The following NFU1 variants were observed in gnomAD, a reference collection of about 807,000 sequenced individuals.
The protein encoded by NFU1 is NFU1 iron-sulfur cluster scaffold homolog, mitochondrial.
Under a neutral mutation model 32.2 loss-of-function variants are expected in NFU1, and 30 were observed. The observed-to-expected ratio is 0.93, with a 90% CI of 0.70 to 1.26. The LOEUF (loss-of-function observed/expected upper bound fraction) is 1.26. Ranked by LOEUF, NFU1 falls within the 50% of genes most tolerant of loss-of-function variation. The pLI is 0.00. For synonymous variants in NFU1, 112 were observed against 104.6 expected, an observed-to-expected ratio of 1.07 and a Z score of -0.43; for missense variants, 306 against 306.6, an observed-to-expected ratio of 1.00 and a Z score of 0.02.
At chr2:69,423,019 C>A (rs1319485158) in intron 3 of NFU1, among the ~76,000 whole-genome samples, 1 of 151,906 alleles carries the variant, frequency 6.6e-6, no homozygotes, top group African/African-American at 2.4e-5. Flanking sequence ...CTCTGTTGCC[C>A]AGGCTGGAGT....
chr2:69,434,647 C>T (rs1673767660), intron 1 of NFU1, among the ~76,000 whole-genome samples: 2 of 152,226 alleles, frequency 1.3e-5, no homozygotes, highest in African/African-American at 2.4e-5. Flanking sequence ...TCCATTACCA[C>T]TGCCACTTCA....
At chr2:69,417,284 G>A (rs1673086591) in intron 4 of NFU1, among the ~76,000 whole-genome samples, 1 of 152,116 alleles carries the variant, frequency 6.6e-6, no homozygotes, top group East Asian at 1.9e-4. Context: ...TCAGTAAAAT[G>A]TGATAGTCCA....
chr2:69,400,678 C>G, intron 6 of NFU1, 140 bp from the exon 7 acceptor site: 1 of 698,592 alleles, frequency 1.4e-6, no homozygotes, highest in Non-Finnish European at 2.3e-6. Context: ...AGAATAATAA[C>G]TGTGGCTAAG....
chr2:69,435,258 T>C (rs1220308123), intron 1 of NFU1, among the ~76,000 whole-genome samples: 1 of 152,318 alleles, frequency 6.6e-6, no homozygotes, highest in African/African-American at 2.4e-5. Flanking sequence ...GAATGGGCAG[T>C]CTAGAGGTTA....
chr2:69,406,908 C>T (rs1037295841), intron 5 of NFU1, among the ~76,000 whole-genome samples: 2 of 152,070 alleles, frequency 1.3e-5, no homozygotes, highest in African/African-American at 2.4e-5. Flanking sequence ...ATGCTGTTCT[C>T]GTGATAGTGA....
In NFU1 at chr2:69,435,711, A is replaced by G. The variant is rs552370251; in HGVS notation, c.62+1650T>C. 1.9e-4 allele frequency among the ~76,000 whole-genome samples: 29 copies of G among 152,256 alleles called. No homozygotes were observed. The South Asian group carries it at 5.6e-3, about 29-fold the overall frequency. Reference sequence around the variant, plus strand: ...TGAAGTCCTGACTGCCACTCCCCACACTAGCTCCAGTGTTGATCACAGTAA... The same window carrying G: ...TGAAGTCCTGACTGCCACTCCCCACGCTAGCTCCAGTGTTGATCACAGTAA... On this transcript the variant is annotated intron_variant, in intron 1 of 7. Transcript: ENST00000410022.
At chr2:69,411,946 A>T (rs776662726) in intron 5 of NFU1, among the ~76,000 whole-genome samples, 10 of 152,178 alleles carry the variant, frequency 6.6e-5, no homozygotes, top group Non-Finnish European at 1.3e-4. Flanking sequence ...CATATGGGCC[A>T]GGTGGCGGTG....
At chr2:69,424,190 A>ATAT (rs1673369540) in intron 2 of NFU1, among the ~76,000 whole-genome samples, 1 of 135,914 alleles carries the variant, frequency 7.4e-6, no homozygotes, top group African/African-American at 2.8e-5. Context: ...AAAAAAAAAA[A>ATAT]AAAAAAAAAT....
In NFU1 at chr2:69,419,534, T is replaced by G. The variant is rs775249424; in HGVS notation, c.369+4A>C. On this transcript the variant is annotated splice_donor_region_variant and intron_variant, in intron 4 of 7. Coordinates refer to ENST00000410022, the MANE Select transcript of NFU1 (RefSeq NM_001002755.4). ...AGTCTTATTTTATATAATCCTATGT[T>G]TACCTTTGTGACAGTGATGAAATCT... 1 of 1,523,626 alleles carries G rather than the reference T, an allele frequency of 6.6e-7. No individual in the cohort carries two copies. Among genetic ancestry groups the G allele is most frequent in the Admixed American group, 1.7e-5 (1 of 59,284 alleles). 94.4% of individuals were successfully genotyped at this position (1,523,626 alleles called of 1,614,324 possible). A position where few individuals can be genotyped will look rare whatever the true frequency, so the allele number is the denominator to read the frequency against.
At chr2:69,424,187 AAAAAAAAAAAAAT>A (rs1271799689) in intron 2 of NFU1, among the ~76,000 whole-genome samples, 10 of 139,324 alleles carry the variant, frequency 7.2e-5, no homozygotes, top group Admixed American at 1.5e-4. Flanking sequence ...AAAAAAAAAA[AAAAAAAAAAAAAT>A]ATATATATAT....
chr2:69,396,127 A>G lies in NFU1; in HGVS notation c.*119T>C, dbSNP rs1259725185. The G allele has an allele frequency of 2.5e-6, 2 of 813,920 alleles. No homozygotes were observed. Among genetic ancestry groups the G allele is most frequent in the Middle Eastern group, 3.6e-4 (1 of 2,810 alleles). 50.4% of individuals were successfully genotyped at this position (813,920 alleles called of 1,614,324 possible). The stretch of plus-strand genomic sequence containing the variant: ...TAAAGCAAACATGCAATATTTATAT[A>G]TCATTCTCTGAAGAGCATATTTTAT... On this transcript the variant is annotated 3_prime_UTR_variant, in exon 8 of 8. Transcript: ENST00000410022.
upstream of NFU1, chr2:69,437,560 G>A (rs773158435): frequency 4.7e-6 from 5 of 1,056,254 alleles, no homozygotes; most frequent in Non-Finnish European, 7.0e-6. Flanking sequence ...GATAAGTGCG[G>A]TGGCCTACGC....
At chr2:69,423,801 T>C in intron 2 of NFU1, 84 bp from the exon 3 acceptor site, 1 of 1,017,618 alleles carries the variant, frequency 9.8e-7, no homozygotes, top group East Asian at 2.6e-5. Context: ...TTGCAGAGAA[T>C]CAGAAGAAGT....
At chr2:69,402,171 G>C (rs1672544430) in intron 6 of NFU1, among the ~76,000 whole-genome samples, 1 of 152,126 alleles carries the variant, frequency 6.6e-6, no homozygotes, top group African/African-American at 2.4e-5. Flanking sequence ...CCGGGATTAT[G>C]GGTGTCAGCC....
intron 6 of NFU1, 104 bp from the exon 7 acceptor site, chr2:69,400,642 C>A (rs1672493376): frequency 2.1e-6 from 2 of 942,742 alleles, no homozygotes; most frequent in Admixed American, 4.2e-5. Context: ...GTAAAATTCA[C>A]AAAGTTAGAG....
intron 5 of NFU1, among the ~76,000 whole-genome samples, chr2:69,412,660 C>T (rs1672924801): frequency 2.6e-5 from 4 of 152,270 alleles, no homozygotes; most frequent in Admixed American, 2.6e-4. Flanking sequence ...CCTGGGATTA[C>T]AGGCGTGAGC....
chr2:69,408,590 G>A (rs1672773999), intron 5 of NFU1, among the ~76,000 whole-genome samples: 1 of 151,576 alleles, frequency 6.6e-6, no homozygotes, highest in Non-Finnish European at 1.5e-5. Flanking sequence ...AGTGGTGGTG[G>A]GTGTCTGTAA....
intron 5 of NFU1, among the ~76,000 whole-genome samples, chr2:69,410,451 A>G (rs1366051558): frequency 6.6e-6 from 1 of 152,200 alleles, no homozygotes; most frequent in African/African-American, 2.4e-5. Context: ...TGAACGCTGG[A>G]GGCAGATTGC....
At chr2:69,437,961 C>T (rs1673915101), upstream of NFU1, among the ~76,000 whole-genome samples, 1 of 152,180 alleles carries the variant, frequency 6.6e-6, no homozygotes, top group Non-Finnish European at 1.5e-5. Context: ...TTGGACCAAC[C>T]CGCACAGAGG....
Sources: gnomAD v4.1 joint callset for allele counts (sites outside exome capture counted in the v4.1 genomes callset) on GRCh38, gnomAD v4.1.1 for gene constraint, MANE v1.5 for transcripts, NCBI Gene and HGNC (gene_info 2026-07-23, HGNC 2026-07-21) for gene names.